EIF4G3: variants seen among roughly 807,000 people sequenced by gnomAD.
The protein encoded by EIF4G3 is eukaryotic translation initiation factor 4 gamma 3.
A neutral mutation model predicts 186.4 loss-of-function variants in EIF4G3; 34 were observed. The ratio of observed to expected loss-of-function variants is 0.18; its 90% CI spans 0.14 to 0.24. The LOEUF is 0.24. Among genes scored for constraint, EIF4G3 ranks in the 10% least tolerant of loss-of-function variants. The pLI, the probability that EIF4G3 is intolerant of heterozygous loss-of-function variation, is 1.00. For missense variants in EIF4G3, 1,536 were observed against 1,948.5 expected (o/e 0.79, Z 3.99); for synonymous variants, 673 against 679.5 (o/e 0.99, Z 0.15).
intron 33 of EIF4G3, among the ~76,000 whole-genome samples, chr1:20,819,903 G>GGGAGA (rs1339806842): frequency 6.6e-6 from 1 of 152,080 alleles, no homozygotes; most frequent in African/African-American, 2.4e-5. Context: ...GAGGAGAGAG[G>GGGAGA]GGAGAGGAGA....
rs545201522 is a variant in EIF4G3, at chr1:20,999,829, T to C, written c.144+1370A>G. The C allele has an allele frequency of 5.5e-5, 21 of 384,734 alleles. No homozygotes were observed. In the East Asian group the frequency reaches 1.4e-3, roughly 26 times the overall value. The allele number at this position is 384,734 out of a possible 1,614,324, so 23.8% of individuals were successfully genotyped here. ...TGCTGGCTCATATTAAAACTAGAAA[T>C]TTTTCTTTCTTTTTTCTTTTCTTTT... On this transcript the variant is annotated intron_variant, in intron 6 of 36. Transcript: ENST00000602326.
At chr1:21,172,193 T>C (rs1044944128) in intron 2 of EIF4G3, among the ~76,000 whole-genome samples, 3 of 150,704 alleles carry the variant, frequency 2.0e-5, no homozygotes, top group Non-Finnish European at 4.4e-5. Flanking sequence ...AGCAATGGAA[T>C]TGGAAAAAGC....
chr1:20,910,577 C>T (rs559778364), intron 14 of EIF4G3, among the ~76,000 whole-genome samples: 19 of 151,968 alleles, frequency 1.3e-4, no homozygotes, highest in South Asian at 2.1e-4. Context: ...TGTGAGACTC[C>T]GACTCAAAAA....
At chr1:20,892,947 A>G (rs1369183114) in intron 18 of EIF4G3, among the ~76,000 whole-genome samples, 1 of 151,340 alleles carries the variant, frequency 6.6e-6, no homozygotes, top group South Asian at 2.1e-4. Context: ...TTGTTTTGTC[A>G]CCCAGACTGG....
intron 3 of EIF4G3, among the ~76,000 whole-genome samples, chr1:21,053,735 C>T (rs1048235754): frequency 6.7e-6 from 1 of 148,350 alleles, no homozygotes; most frequent in Admixed American, 6.6e-5. Context: ...GGTCAGCCCC[C>T]GCCCGGCCAG....
chr1:21,004,950 C>G (rs1198623601), intron 4 of EIF4G3, among the ~76,000 whole-genome samples: 1 of 152,018 alleles, frequency 6.6e-6, no homozygotes, highest in Non-Finnish European at 1.5e-5. Context: ...TACTCTAGTT[C>G]TACTAAATCT....
At chr1:21,077,431 A>AT (rs912252896) in intron 3 of EIF4G3, among the ~76,000 whole-genome samples, 24 of 152,082 alleles carry the variant, frequency 1.6e-4, no homozygotes, top group South Asian at 4.1e-4. Context: ...AAAAGGACAA[A>AT]TGATCTAAAC....
At chr1:21,062,576 T>C (rs2094977017) in intron 3 of EIF4G3, among the ~76,000 whole-genome samples, 1 of 152,078 alleles carries the variant, frequency 6.6e-6, no homozygotes, top group Non-Finnish European at 1.5e-5. Flanking sequence ...CAGATATAGA[T>C]ATAGATACAG....
chr1:21,142,731 A>G (rs2097361779), intron 2 of EIF4G3, among the ~76,000 whole-genome samples: 1 of 152,146 alleles, frequency 6.6e-6, no homozygotes, highest in Non-Finnish European at 1.5e-5. Context: ...CTGCTTCTAT[A>G]ATTTATCCCC....
At chr1:21,149,569 AG>A (rs1442045727) in intron 2 of EIF4G3, among the ~76,000 whole-genome samples, 1 of 152,196 alleles carries the variant, frequency 6.6e-6, no homozygotes, top group Non-Finnish European at 1.5e-5. Context: ...CAGAAAGGAC[AG>A]GAACTCAGGC....
chr1:20,973,910 G>A, intron 10 of EIF4G3, among the ~76,000 whole-genome samples: 1 of 152,184 alleles, frequency 6.6e-6, no homozygotes, highest in African/African-American at 2.4e-5. Flanking sequence ...GAGTAGAGGT[G>A]TGGAGAAGGG....
intron 12 of EIF4G3, among the ~76,000 whole-genome samples, chr1:20,952,242 C>A (rs2154563610): frequency 6.6e-6 from 1 of 151,190 alleles, no homozygotes; most frequent in African/African-American, 2.4e-5. Context: ...GAAACCTCTG[C>A]CTCCCAGGTT....
rs567541320 is a variant in EIF4G3 at position 20,977,405 on chromosome 1, T to C, written c.493+2929A>G. 2.0e-5 allele frequency among the ~76,000 whole-genome samples: 3 copies of C among 152,340 alleles called. No individual in the cohort carries two copies. In the East Asian group the frequency reaches 5.8e-4, roughly 29 times the overall value. On this transcript the variant is annotated intron_variant, in intron 10 of 36. Coordinates refer to ENST00000602326, the MANE Select transcript of EIF4G3 (RefSeq NM_001391906.1). ...TTTCATCATGTTGGCCAGGCTGGTT[T>C]AGAACTCCTGACCTCGGGTGATCCA... is the stretch of plus-strand genomic sequence containing the variant.
intron 7 of EIF4G3, among the ~76,000 whole-genome samples, chr1:20,985,515 CAA>C (rs57715624): frequency 1.5e-4 from 15 of 102,032 alleles, no homozygotes; most frequent in East Asian, 4.6e-4. Flanking sequence ...ACTAGAAATG[CAA>C]AAAAAAAAAA....
In EIF4G3 at chr1:20,807,463, C is replaced by T; in HGVS notation, c.4782G>A (p.Glu1594=). 1.2e-6 allele frequency: 2 copies of T among 1,609,722 alleles called. No individual in the cohort carries two copies. The highest frequency in any genetic ancestry group is 2.2e-5 in the South Asian group (2 of 90,520). ...LRMFFDCLYD[E]EVISEDAFYK... ...AGAAGGCATCCTCGGAGATCACCTC[C>T]TCGTCATATAGACAATCAAAAAACA... The change falls in exon 37 of 37, where the codon GAG becomes GAA. Residue 1594 remains glutamate, a synonymous_variant. Transcript: ENST00000602326.
At chr1:20,812,422 T>C (rs983578181) in intron 35 of EIF4G3, among the ~76,000 whole-genome samples, 5 of 152,230 alleles carry the variant, frequency 3.3e-5, no homozygotes, top group Non-Finnish European at 7.3e-5. Flanking sequence ...TGAAAATAAA[T>C]TCATTGCAAA....
intron 12 of EIF4G3, among the ~76,000 whole-genome samples, chr1:20,961,291 G>A (rs535238134): frequency 1.3e-5 from 2 of 152,136 alleles, no homozygotes; most frequent in Non-Finnish European, 2.9e-5. Flanking sequence ...GCTGAGGCAG[G>A]AGAATCGCTT....
Position 20,997,648 on chromosome 1 carries a change from G to C in EIF4G3, c.145-15C>G. 2 of 1,529,366 alleles carry C rather than the reference G, an allele frequency of 1.3e-6. No individual in the cohort carries two copies. The highest frequency in any genetic ancestry group is 1.8e-6 in the Non-Finnish European group (2 of 1,136,848). The allele number at this position is 1,529,366 out of a possible 1,614,324, so 94.7% of individuals were successfully genotyped here. A position where few individuals can be genotyped will look rare whatever the true frequency, so the allele number is the denominator to read the frequency against. ...CCCGCTGCAAACTGAGAAAAGGAGGGAAAACAAACACAAAAGGAAAGGCAC... is the reference window on the plus strand; with the variant it reads ...CCCGCTGCAAACTGAGAAAAGGAGGCAAAACAAACACAAAAGGAAAGGCAC... On this transcript the variant is annotated splice_polypyrimidine_tract_variant and intron_variant, in intron 6 of 36. Coordinates refer to ENST00000602326, the MANE Select transcript of EIF4G3 (RefSeq NM_001391906.1).
At chr1:20,931,856 C>T (rs112205751) in intron 14 of EIF4G3, among the ~76,000 whole-genome samples, 4,426 of 151,562 alleles carry the variant, frequency 0.029, 141 homozygotes, top group East Asian at 0.14. Flanking sequence ...ACCCGGGAGG[C>T]GGAGGTTGCA....
Sources: allele counts gnomAD v4.1 joint callset (sites outside exome capture counted in the v4.1 genomes callset), GRCh38; gene constraint gnomAD v4.1.1; transcripts MANE v1.5; gene names NCBI Gene and HGNC (gene_info 2026-07-23, HGNC 2026-07-21).